Variants in CAST observed in about 807,000 individuals in gnomAD.
CAST encodes the protein calpastatin, also known as MIR583 host.
A neutral mutation model predicts 119.6 loss-of-function variants in CAST; 76 were observed. The observed-to-expected ratio is 0.64, with a 90% CI of 0.53 to 0.77. The LOEUF (loss-of-function observed/expected upper bound fraction) is 0.77, where lower values mean the gene tolerates loss of function less well. Ranked by LOEUF, CAST falls within the 30% of genes least tolerant of loss-of-function variation. The pLI is 0.00. For synonymous variants in CAST, 319 were observed against 331.6 expected (o/e 0.96, Z 0.41); for missense variants, 953 against 946.5 (o/e 1.01, Z -0.09).
At chr5:96,403,622 A>C in the CAST span, among the ~76,000 whole-genome samples, 1 of 152,254 alleles carries the variant, frequency 6.6e-6, no homozygotes, top group African/African-American at 2.4e-5. Context: ...ATATGTTTAC[A>C]GAAAATAAGG....
At chr5:96,707,801 C>T (rs1031579735) in intron 3 of CAST, among the ~76,000 whole-genome samples, 2 of 152,052 alleles carry the variant, frequency 1.3e-5, no homozygotes, top group Middle Eastern at 3.4e-3. Flanking sequence ...GACTGAGGTC[C>T]CCCATACCAG....
chr5:96,041,551 C>T, the CAST span, among the ~76,000 whole-genome samples: 1 of 152,084 alleles, frequency 6.6e-6, no homozygotes, highest in Admixed American at 6.6e-5. Context: ...AAATAAACTA[C>T]TGTGGACCTT....
the CAST span, among the ~76,000 whole-genome samples, chr5:96,060,848 C>G: frequency 2.0e-5 from 3 of 152,100 alleles, no homozygotes; most frequent in East Asian, 5.8e-4. Flanking sequence ...AATATTTATT[C>G]TCACTGTTCT....
chr5:96,477,298 G>A, the CAST span, among the ~76,000 whole-genome samples: 6 of 131,700 alleles, frequency 4.6e-5, no homozygotes, highest in South Asian at 2.5e-4. Context: ...ATATATGCAC[G>A]CACGCGTGCA....
chr5:96,641,506 A>T (rs1159771858), intron 1 of CAST, among the ~76,000 whole-genome samples: 2 of 152,174 alleles, frequency 1.3e-5, no homozygotes, highest in Non-Finnish European at 1.5e-5. Flanking sequence ...AACTAGCGCC[A>T]TGTGAATCGT....
chr5:95,969,097 G>A, the CAST span, among the ~76,000 whole-genome samples: 13 of 152,296 alleles, frequency 8.5e-5, no homozygotes, highest in South Asian at 1.5e-3. Context: ...GCTATCATAC[G>A]GTGTTTTGGG....
At chr5:96,714,764 AGGCTGTGT>A (rs1311550053) in intron 3 of CAST, 1 of 152,230 alleles carries the variant, frequency 6.6e-6, no homozygotes, top group African/African-American at 2.4e-5. Context: ...TGACTGACCT[AGGCTGTGT>A]GGCTAGCTCT....
chr5:96,276,411 G>C, the CAST span, among the ~76,000 whole-genome samples: 1 of 152,118 alleles, frequency 6.6e-6, no homozygotes, highest in Non-Finnish European at 1.5e-5. Context: ...TTCCAACGTG[G>C]CTTTTTACAT....
chr5:96,595,753 T>TA (rs1300861437), intron 1 of CAST, among the ~76,000 whole-genome samples: 5 of 152,130 alleles, frequency 3.3e-5, no homozygotes, highest in African/African-American at 4.8e-5. Flanking sequence ...AGAACTTAGA[T>TA]AAAAAACATA....
intron 3 of CAST, among the ~76,000 whole-genome samples, chr5:96,705,043 G>C (rs1409477420): frequency 6.6e-6 from 1 of 152,184 alleles, no homozygotes; most frequent in Non-Finnish European, 1.5e-5. Context: ...AAAAGGGCTA[G>C]GGACGGTGGC....
the CAST span, among the ~76,000 whole-genome samples, chr5:96,150,759 T>C: frequency 6.6e-6 from 1 of 152,016 alleles, no homozygotes; most frequent in Non-Finnish European, 1.5e-5. Context: ...GTGGGGAAGA[T>C]TCTTAAGGGA....
the CAST span, among the ~76,000 whole-genome samples, chr5:96,083,987 T>C: frequency 1.3e-5 from 2 of 148,380 alleles, no homozygotes; most frequent in African/African-American, 5.3e-5. Flanking sequence ...ATTGCAGGGG[T>C]TTTTTAAAAT....
upstream of CAST, among the ~76,000 whole-genome samples, chr5:96,523,082 G>T (rs114960328): frequency 7.2e-3 from 1,094 of 152,326 alleles, 13 homozygotes; most frequent in African/African-American, 0.025. Context: ...TTGGTCAAAG[G>T]GCAGCTATGC....
At chr5:96,654,079 A>G (rs1232694960) in intron 1 of CAST, among the ~76,000 whole-genome samples, 4 of 141,838 alleles carry the variant, frequency 2.8e-5, no homozygotes, top group African/African-American at 1.1e-4. Flanking sequence ...GCTGGAGTGC[A>G]GTGGTGCGAT....
chr5:95,978,348 G>T, the CAST span, among the ~76,000 whole-genome samples: 104 of 152,298 alleles, frequency 6.8e-4, no homozygotes, highest in African/African-American at 1.9e-3. Context: ...ATTCTGACTG[G>T]TGTGAGATGA....
At chr5:96,413,011 C>A in the CAST span, 5 of 970,800 alleles carry the variant, frequency 5.2e-6, no homozygotes, top group East Asian at 3.3e-4. Flanking sequence ...CTACGCCACA[C>A]AAGGACTCTG....
At chr5:96,421,570 G>T in the CAST span, among the ~76,000 whole-genome samples, 1 of 152,126 alleles carries the variant, frequency 6.6e-6, no homozygotes, top group African/African-American at 2.4e-5. Context: ...TTGAGGGGAG[G>T]GATGGGCTCA....
the CAST span, among the ~76,000 whole-genome samples, chr5:96,074,770 A>G: frequency 1.3e-5 from 2 of 152,216 alleles, no homozygotes; most frequent in South Asian, 4.1e-4. Context: ...TATCATCTCT[A>G]GACAGGAAAA....
chr5:95,992,447 T>C, the CAST span, among the ~76,000 whole-genome samples: 1 of 151,438 alleles, frequency 6.6e-6, no homozygotes, highest in African/African-American at 2.4e-5. Flanking sequence ...CCTAGTCTAA[T>C]CATGAGAAAA....
Sources: gnomAD v4.1 joint callset for allele counts (sites outside exome capture counted in the v4.1 genomes callset) on GRCh38, gnomAD v4.1.1 for gene constraint, MANE v1.5 for transcripts, NCBI Gene and HGNC (gene_info 2026-07-23, HGNC 2026-07-21) for gene names.